The following KCTD16 variants were observed in gnomAD, a reference collection of about 807,000 sequenced individuals.
KCTD16 encodes the protein potassium channel tetramerization domain containing 16.
KCTD16 carries 13 observed loss-of-function variants against 33.2 expected under a neutral mutation model. That is an observed-to-expected ratio of 0.39 (90% CI 0.25 to 0.62). KCTD16 has a LOEUF of 0.62. Ranked by LOEUF, KCTD16 falls within the 20% of genes least tolerant of loss-of-function variation. The pLI is 0.50. For synonymous variants in KCTD16, 197 were observed against 195.3 expected (o/e 1.01, Z -0.07); for missense variants, 441 against 525.1 (o/e 0.84, Z 1.57).
intron 3 of KCTD16, among the ~76,000 whole-genome samples, chr5:144,335,751 G>C (rs769105984): frequency 2.0e-5 from 3 of 152,178 alleles, no homozygotes; most frequent in East Asian, 3.9e-4. Flanking sequence ...TATGTAGTGT[G>C]AGCAAAGCTC....
At chr5:144,182,636 T>C (rs968119640) in intron 2 of KCTD16, among the ~76,000 whole-genome samples, 1 of 152,040 alleles carries the variant, frequency 6.6e-6, no homozygotes, top group African/African-American at 2.4e-5. Context: ...TTTAGGTGCT[T>C]TTACCACACA....
chr5:144,396,490 G>C (rs1752570082), intron 3 of KCTD16, among the ~76,000 whole-genome samples: 1 of 152,090 alleles, frequency 6.6e-6, no homozygotes, highest in South Asian at 2.1e-4. Context: ...CATATTCCTG[G>C]TCCTTGATTT....
chr5:144,470,507 A>G (rs145629866), intron 3 of KCTD16, among the ~76,000 whole-genome samples: 1 of 152,266 alleles, frequency 6.6e-6, no homozygotes, highest in Non-Finnish European at 1.5e-5. Flanking sequence ...TTCTGATCCT[A>G]TCTTTCTTTT....
At chr5:144,455,885 A>G (rs1234034541) in intron 3 of KCTD16, among the ~76,000 whole-genome samples, 1 of 152,234 alleles carries the variant, frequency 6.6e-6, no homozygotes, top group Non-Finnish European at 1.5e-5. Context: ...CTACAATGGC[A>G]TCACAGAAGT....
intron 3 of KCTD16, among the ~76,000 whole-genome samples, chr5:144,417,662 T>C (rs1753094988): frequency 6.6e-6 from 1 of 152,204 alleles, no homozygotes. Context: ...TTTGATGTCA[T>C]ATCCATTACC....
At chr5:144,355,169 C>T (rs1751544061) in intron 3 of KCTD16, among the ~76,000 whole-genome samples, 1 of 152,120 alleles carries the variant, frequency 6.6e-6, no homozygotes, top group Admixed American at 6.6e-5. Flanking sequence ...GCTTGCCCTC[C>T]AGTCATTATA....
chr5:144,474,013 G>T lies in KCTD16; in HGVS notation c.1186G>T (p.Glu396Ter). 6.2e-7 allele frequency: 1 copy of T among 1,614,006 alleles called. No individual in the cohort carries two copies. Among genetic ancestry groups the T allele is most frequent in the South Asian group, 1.1e-5 (1 of 91,066 alleles). ...AAAGCTCTCAATTGAGGAGGAGCTG[G>T]AGAAATGTATCCAGGATTTCCTAAA... Reference protein sequence around the residue: ...KEKLSIEEELEKCIQDFLKIK... With the variant: ...KEKLSIEEEL Residue 396 changes from glutamate (E) to a stop codon, truncating the protein, a stop_gained, in exon 4 of 4, where the codon GAG becomes TAG. Transcript: ENST00000512467. LOFTEE classifies it high-confidence loss of function.
intron 3 of KCTD16, among the ~76,000 whole-genome samples, chr5:144,316,976 C>T (rs969974267): frequency 1.7e-4 from 26 of 151,420 alleles, no homozygotes; most frequent in African/African-American, 4.9e-4. Context: ...TACAGGTGCA[C>T]GCCACAACGC....
At position 144,417,689 on chromosome 5, in the gene KCTD16, A is replaced by G. The variant is rs191325116; in HGVS notation, c.833-55971A>G. Among the ~76,000 whole-genome samples, 337 of 152,038 alleles carry G rather than the reference A, an allele frequency of 2.2e-3. 2 individuals are homozygous for G. The highest frequency in any genetic ancestry group is 6.7e-3 in the African/African-American group (276 of 41,474). On this transcript the variant is annotated intron_variant, in intron 3 of 3. Coordinates refer to ENST00000512467, the MANE Select transcript of KCTD16 (RefSeq NM_020768.4). ...TCCATTACCAAACCCAAGGTCATGG[A>G]GATTTAGTTCTATGCTTTTTTGCAA...
At chr5:144,471,533 C>A (rs1404609288) in intron 3 of KCTD16, among the ~76,000 whole-genome samples, 1 of 152,102 alleles carries the variant, frequency 6.6e-6, no homozygotes, top group Non-Finnish European at 1.5e-5. Flanking sequence ...TTTTCTTCAG[C>A]GCAATTCATT....
chr5:144,415,684 C>T (rs959589519), intron 3 of KCTD16, among the ~76,000 whole-genome samples: 5 of 152,224 alleles, frequency 3.3e-5, no homozygotes, highest in African/African-American at 9.6e-5. Context: ...GGGTCAATTC[C>T]GAGGCCTTTC....
chr5:144,387,646 C>A (rs530397807), intron 3 of KCTD16, among the ~76,000 whole-genome samples: 2 of 152,264 alleles, frequency 1.3e-5, no homozygotes, highest in South Asian at 4.1e-4. Flanking sequence ...AGGGAGGTCT[C>A]TATTGAGATC....
At chr5:144,396,912 T>TTTTATA (rs370124506) in intron 3 of KCTD16, among the ~76,000 whole-genome samples, 54 of 141,058 alleles carry the variant, frequency 3.8e-4, no homozygotes, top group Non-Finnish European at 7.1e-4. Context: ...ACTTTATTTA[T>TTTTATA]TATATATATA....
At chr5:144,422,088 A>G (rs1753225374) in intron 3 of KCTD16, among the ~76,000 whole-genome samples, 1 of 152,178 alleles carries the variant, frequency 6.6e-6, no homozygotes, top group African/African-American at 2.4e-5. Context: ...AATGTCATCT[A>G]CAGTCTCTGC....
chr5:144,316,101 A>G (rs776170338), intron 3 of KCTD16, among the ~76,000 whole-genome samples: 1 of 151,918 alleles, frequency 6.6e-6, no homozygotes, highest in Non-Finnish European at 1.5e-5. Context: ...GTGTAATTTT[A>G]AAATAAACTG....
At chr5:144,198,365 A>T (rs1194409490) in intron 2 of KCTD16, among the ~76,000 whole-genome samples, 4 of 152,192 alleles carry the variant, frequency 2.6e-5, no homozygotes, top group Non-Finnish European at 5.9e-5. Flanking sequence ...ATTTCTTGCA[A>T]ATAATTCAAA....
chr5:144,446,724 A>G (rs1753824971), intron 3 of KCTD16, among the ~76,000 whole-genome samples: 2 of 152,196 alleles, frequency 1.3e-5, no homozygotes, highest in African/African-American at 2.4e-5. Flanking sequence ...AAAACAAACA[A>G]CCCCATCAAA....
At chr5:144,385,091 T>C (rs553872904) in intron 3 of KCTD16, among the ~76,000 whole-genome samples, 4 of 152,332 alleles carry the variant, frequency 2.6e-5, no homozygotes, top group Admixed American at 2.6e-4. Context: ...AGCAAAGTCA[T>C]AAATCATAAT....
At chr5:144,295,260 A>G (rs1171701568) in intron 3 of KCTD16, among the ~76,000 whole-genome samples, 1 of 152,196 alleles carries the variant, frequency 6.6e-6, no homozygotes, top group Non-Finnish European at 1.5e-5. Flanking sequence ...TGGAGCCACC[A>G]TTTGTTTGCT....
Sources: gnomAD v4.1 joint callset for allele counts (sites outside exome capture counted in the v4.1 genomes callset) on GRCh38, gnomAD v4.1.1 for gene constraint, MANE v1.5 for transcripts, NCBI Gene and HGNC (gene_info 2026-07-23, HGNC 2026-07-21) for gene names.